COG6: variants seen among roughly 807,000 people sequenced by gnomAD.
COG6 encodes the protein conserved oligomeric Golgi complex subunit 6.
In COG6, 74 loss-of-function variants were observed where a neutral mutation model predicts 88.8. The ratio of observed to expected loss-of-function variants is 0.83; its 90% CI spans 0.69 to 1.01. The LOEUF (loss-of-function observed/expected upper bound fraction) is 1.01, where lower values mean the gene tolerates loss of function less well. Among genes scored for constraint, COG6 ranks in the 50% least tolerant of loss-of-function variants. COG6 has a pLI of 0.00. For missense variants in COG6, 800 were observed against 797.9 expected, an observed-to-expected ratio of 1.00 and a Z score of -0.03; for synonymous variants, 286 against 278.7, an observed-to-expected ratio of 1.03 and a Z score of -0.26.
chr13:39,671,866 T>G (rs1031424909), intron 4 of COG6, among the ~76,000 whole-genome samples: 1 of 151,998 alleles, frequency 6.6e-6, no homozygotes, highest in African/African-American at 2.4e-5. Context: ...AGTTCCTTCT[T>G]TGTACTCCCA....
intron 18 of COG6, among the ~76,000 whole-genome samples, chr13:39,764,099 G>A (rs1158733562): frequency 6.6e-6 from 1 of 151,764 alleles, no homozygotes; most frequent in Non-Finnish European, 1.5e-5. Flanking sequence ...AAACTGTTTG[G>A]TTGTTCTATT....
intron 18 of COG6, among the ~76,000 whole-genome samples, chr13:39,763,107 C>A (rs1881071100): frequency 6.6e-6 from 1 of 151,726 alleles, no homozygotes; most frequent in South Asian, 2.1e-4. Context: ...GGCATTAAAT[C>A]ACTCTTGCAT....
At chr13:39,696,044 GA>G (rs1877253492) in intron 12 of COG6, among the ~76,000 whole-genome samples, 1 of 151,892 alleles carries the variant, frequency 6.6e-6, no homozygotes, top group Non-Finnish European at 1.5e-5. Context: ...TTCTAATGTA[GA>G]AAATGCTGGA....
At chr13:39,719,588 A>G (rs1878736024) in intron 14 of COG6, 72 bp from the exon 15 acceptor site, 3 of 1,431,776 alleles carry the variant, frequency 2.1e-6, no homozygotes, top group Non-Finnish European at 2.9e-6. Flanking sequence ...TTAGTTTGGC[A>G]TTAAATATCA....
At chr13:39,676,158 AC>A (rs1169324218) in intron 4 of COG6, among the ~76,000 whole-genome samples, 4 of 152,072 alleles carry the variant, frequency 2.6e-5, no homozygotes, top group Admixed American at 6.6e-5. Flanking sequence ...GTACTCGTTG[AC>A]CAATCTCTTC....
chr13:39,743,553 A>G (rs1297749917), intron 18 of COG6, among the ~76,000 whole-genome samples: 5 of 152,062 alleles, frequency 3.3e-5, no homozygotes, highest in African/African-American at 1.2e-4. Context: ...GACTAAACCA[A>G]GAAGAAGTTG....
intron 18 of COG6, among the ~76,000 whole-genome samples, chr13:39,780,245 G>A (rs1250729567): frequency 6.6e-6 from 1 of 152,172 alleles, no homozygotes. Flanking sequence ...ATGTTTGATA[G>A]GATCAGAATA....
chr13:39,659,507 G>A lies in COG6; in HGVS notation c.297G>A (p.Glu99=). 1.9e-6 allele frequency: 3 copies of A among 1,612,054 alleles called. No homozygotes were observed. Among genetic ancestry groups the A allele is most frequent in the Non-Finnish European group, 2.5e-6 (3 of 1,178,836 alleles). ...EFVSIFKEVK[E]ELESISEDVQ... ...TAAGCATTTTCAAGGAAGTGAAGGA[G>A]GTATGTAAACTCTTTTCATTTAGCA... Residue 99 remains glutamate, a splice_region_variant and synonymous_variant, in exon 2 of 19, where the codon GAG becomes GAA. Transcript: ENST00000455146.
chr13:39,755,876 G>A (rs1880818351), downstream of COG6, among the ~76,000 whole-genome samples: 1 of 152,140 alleles, frequency 6.6e-6, no homozygotes, highest in Admixed American at 6.6e-5. Context: ...CACATAAGTG[G>A]TTACACATGA....
chr13:39,781,797 CTT>C (rs1201561283), intron 18 of COG6, among the ~76,000 whole-genome samples: 12 of 152,124 alleles, frequency 7.9e-5, no homozygotes, highest in African/African-American at 2.7e-4. Flanking sequence ...TGGCTTAACT[CTT>C]TGAGTGACAA....
chr13:39,767,489 G>A (rs763907459), intron 18 of COG6, among the ~76,000 whole-genome samples: 8 of 152,156 alleles, frequency 5.3e-5, no homozygotes, highest in Non-Finnish European at 1.0e-4. Context: ...TGGGGGCATT[G>A]ATGATTTTCG....
chr13:39,734,494 T>G (rs1290066888), intron 18 of COG6, among the ~76,000 whole-genome samples: 5 of 152,170 alleles, frequency 3.3e-5, no homozygotes, highest in Non-Finnish European at 7.4e-5. Context: ...TAAAAAAATT[T>G]TATGGACTTT....
intron 1 of COG6, chr13:39,656,956 T>C (rs1480964120): frequency 2.2e-6 from 1 of 449,562 alleles, no homozygotes; most frequent in African/African-American, 2.0e-5. Flanking sequence ...TATCATAAAA[T>C]TTATGAAGTG....
chr13:39,706,753 G>T (rs7988187), intron 13 of COG6, among the ~76,000 whole-genome samples: 35,374 of 151,576 alleles, frequency 0.23, 4,350 homozygotes, highest in Non-Finnish European at 0.28. Flanking sequence ...GTGTGATCTC[G>T]GCTCACTGCA....
intron 18 of COG6, among the ~76,000 whole-genome samples, chr13:39,780,825 C>G (rs555864412): frequency 1.3e-5 from 2 of 152,296 alleles, no homozygotes; most frequent in Admixed American, 1.3e-4. Flanking sequence ...CTAGTCTTTT[C>G]CTTGCACAAA....
intron 18 of COG6, among the ~76,000 whole-genome samples, chr13:39,731,117 G>A (rs1043241531): frequency 5.9e-5 from 9 of 151,936 alleles, no homozygotes; most frequent in African/African-American, 1.9e-4. Flanking sequence ...TAGCACTCCC[G>A]GCCTAAAGCA....
chr13:39,726,300 A>G (rs948270613), intron 17 of COG6, among the ~76,000 whole-genome samples: 24 of 151,910 alleles, frequency 1.6e-4, no homozygotes, highest in Non-Finnish European at 2.4e-4. Flanking sequence ...AGTTTCTGCT[A>G]TTTTCTAGGC....
intron 18 of COG6, among the ~76,000 whole-genome samples, chr13:39,733,955 G>T (rs919168977): frequency 1.6e-4 from 24 of 151,920 alleles, no homozygotes; most frequent in East Asian, 1.9e-4. Flanking sequence ...AATTTCTGGG[G>T]TATTGGCTGT....
intron 4 of COG6, among the ~76,000 whole-genome samples, chr13:39,671,626 G>T (rs1204330205): frequency 1.3e-5 from 2 of 151,766 alleles, no homozygotes; most frequent in African/African-American, 4.8e-5. Flanking sequence ...CAAAACTTAA[G>T]AATTTTAGGC....
Sources: allele counts gnomAD v4.1 joint callset (sites outside exome capture counted in the v4.1 genomes callset), GRCh38; gene constraint gnomAD v4.1.1; transcripts MANE v1.5; gene names NCBI Gene and HGNC (gene_info 2026-07-23, HGNC 2026-07-21).